The following ANKRD30B variants were observed in gnomAD, a reference collection of about 807,000 sequenced individuals.
ANKRD30B encodes ankyrin repeat domain 30B, also known as ankyrin repeat domain-containing protein 30B.
Under a neutral mutation model 202.2 loss-of-function variants are expected in ANKRD30B, and 144 were observed. That is an observed-to-expected ratio of 0.71 (90% CI 0.62 to 0.82). ANKRD30B has a LOEUF of 0.82. Ranked by LOEUF, ANKRD30B falls within the 40% of genes least tolerant of loss-of-function variation. The pLI, the probability that ANKRD30B is intolerant of heterozygous loss-of-function variation, is 0.00. For synonymous variants in ANKRD30B, 508 were observed against 561.3 expected (o/e 0.91, Z 1.34); for missense variants, 1,487 against 1,669.1 (o/e 0.89, Z 1.90).
intron 9 of ANKRD30B, among the ~76,000 whole-genome samples, chr18:14,776,531 C>T (rs1967361872): frequency 6.6e-6 from 1 of 152,056 alleles, no homozygotes; most frequent in Non-Finnish European, 1.5e-5. Context: ...AACAGTGGAC[C>T]ATATTTGTTC....
chr18:14,881,463 A>C, the ANKRD30B span, among the ~76,000 whole-genome samples: 1 of 152,074 alleles, frequency 6.6e-6, no homozygotes, highest in African/African-American at 2.4e-5. Context: ...TCTTTTTGAT[A>C]TGTTGTTGGA....
chr18:14,754,921 T>C lies in ANKRD30B; in HGVS notation c.533T>C (p.Leu178Pro). 1 of 1,548,128 alleles carries C rather than the reference T, an allele frequency of 6.5e-7. No individual in the cohort carries two copies. Residue 178 changes from leucine to proline, a missense_variant, in exon 4 of 44, where the codon CTG (leucine) becomes CCG (proline). Physicochemically the swap from Leu to Pro is moderately conservative, Grantham distance 98. This residue lies in a region of ANKRD30B where 889 missense variants were observed against 841.4 expected (regional missense o/e 1.06). Coordinates refer to ENST00000690538, the MANE Select transcript of ANKRD30B (RefSeq NM_001367607.2). ...QNKASLTPLLLAIQKRSKQTV... is the reference protein window; with the variant it reads ...QNKASLTPLLPAIQKRSKQTV... ...CAGGCTAGCCTCACACCCCTTTTAC[T>C]GGCCATACAGAAAAGAAGCAAGCAA...
At chr18:14,756,720 C>A (rs1050276371) in intron 4 of ANKRD30B, among the ~76,000 whole-genome samples, 1 of 152,074 alleles carries the variant, frequency 6.6e-6, no homozygotes, top group Non-Finnish European at 1.5e-5. Context: ...ATGGTAAAAC[C>A]GCATCTCTAC....
the ANKRD30B span, among the ~76,000 whole-genome samples, chr18:14,896,171 G>A: frequency 8.1e-5 from 12 of 148,924 alleles, no homozygotes; most frequent in African/African-American, 1.5e-4. Context: ...TCACTCTGTC[G>A]CCCAGGCTGG....
At position 14,810,147 on chromosome 18, in the gene ANKRD30B, T is replaced by G. The variant is rs1160777934; in HGVS notation, c.2455T>G (p.Leu819Val). ...VRKVSLPNKA[L>V]ELKDRETLKA... ...GAAAGTTTCTCTTCCAAATAAAGCCTTAGAATTAAAGGACAGAGAAACATT... is the reference window on the plus strand; with the variant it reads ...GAAAGTTTCTCTTCCAAATAAAGCCGTAGAATTAAAGGACAGAGAAACATT... The change falls in exon 28 of 44, where the codon TTA becomes GTA. Residue 819 changes from leucine to valine, a missense_variant. Transcript: ENST00000690538. The G allele has an allele frequency of 6.8e-7, 1 of 1,479,256 alleles. No individual in the cohort carries two copies. Among genetic ancestry groups the G allele is most frequent in the African/African-American group, 1.4e-5 (1 of 70,738 alleles). The allele number at this position is 1,479,256 out of a possible 1,614,324, so 91.6% of individuals were successfully genotyped here. A position where few individuals can be genotyped will look rare whatever the true frequency, so the allele number is the denominator to read the frequency against.
chr18:14,855,896 C>T (rs545664136), downstream of ANKRD30B, among the ~76,000 whole-genome samples: 57 of 148,456 alleles, frequency 3.8e-4, no homozygotes, highest in Middle Eastern at 3.7e-3. Flanking sequence ...CCAGACGGGG[C>T]GGCTGGGCAG....
At chr18:14,768,018 A>T (rs1357630685) in intron 7 of ANKRD30B, among the ~76,000 whole-genome samples, 3 of 152,194 alleles carry the variant, frequency 2.0e-5, no homozygotes, top group Non-Finnish European at 2.9e-5. Flanking sequence ...TAATTGAGTG[A>T]TGGCTGGCAG....
rs776914581 is a variant in ANKRD30B at position 14,757,989 on chromosome 18, T to C, written c.755+37T>C. The C allele has an allele frequency of 9.7e-6, 15 of 1,543,684 alleles. No individual in the cohort carries two copies. The Middle Eastern group carries it at 9.1e-4, about 93-fold the overall frequency. ...CATTTAAAGGCTAGGTGAAATTTTA[T>C]TGTTTGTTTCAGGGAGTTTTTGAAA... On this transcript the variant is annotated intron_variant, in intron 5 of 43. Coordinates refer to ENST00000690538, the MANE Select transcript of ANKRD30B (RefSeq NM_001367607.2).
At chr18:14,830,907 G>A (rs1480926548) in intron 33 of ANKRD30B, among the ~76,000 whole-genome samples, 2 of 152,184 alleles carry the variant, frequency 1.3e-5, no homozygotes, top group East Asian at 3.9e-4. Flanking sequence ...GAGGGGCCGG[G>A]CGCGGTGGCT....
At chr18:14,762,397 A>T (rs1477351750) in intron 6 of ANKRD30B, among the ~76,000 whole-genome samples, 3 of 152,232 alleles carry the variant, frequency 2.0e-5, no homozygotes, top group Non-Finnish European at 2.9e-5. Context: ...AGGGTGCATC[A>T]GTACCAATAG....
chr18:14,771,962 A>T (rs1212444695), intron 8 of ANKRD30B, among the ~76,000 whole-genome samples, 194 bp from the exon 9 acceptor site: 3 of 152,184 alleles, frequency 2.0e-5, no homozygotes, highest in African/African-American at 4.8e-5. Flanking sequence ...ATAGGTAACT[A>T]AAATCATTTT....
At chr18:14,866,543 C>A in the ANKRD30B span, among the ~76,000 whole-genome samples, 588 of 152,322 alleles carry the variant, frequency 3.9e-3, 3 homozygotes, top group Middle Eastern at 0.014. Flanking sequence ...GTGCCCAACG[C>A]TGGCAGCTGG....
the ANKRD30B span, among the ~76,000 whole-genome samples, chr18:14,887,924 A>G: frequency 6.6e-6 from 1 of 151,930 alleles, no homozygotes; most frequent in Non-Finnish European, 1.5e-5. Context: ...AGATTTCTCA[A>G]TTTTACTTTG....
chr18:14,848,722 C>A lies in ANKRD30B; in HGVS notation c.3188C>A (p.Thr1063Asn), dbSNP rs1169611692. ...KNKQTLRADS[T>N]TLSKILDALP... ...TATCTCCTCCTTGAGACAGATTCAACTACCCTATCAAAAATCTTGGATGCA... is the reference window on the plus strand; with the variant it reads ...TATCTCCTCCTTGAGACAGATTCAAATACCCTATCAAAAATCTTGGATGCA... The change falls in exon 40 of 44, where the codon ACT becomes AAT. Residue 1063 changes from threonine to asparagine, a missense_variant. Physicochemically the swap from Thr to Asn is moderately conservative, Grantham distance 65. This residue lies in a region of ANKRD30B where 177 missense variants were observed against 216.4 expected (regional missense o/e 0.82). Coordinates refer to ENST00000690538, the MANE Select transcript of ANKRD30B (RefSeq NM_001367607.2). The A allele has an allele frequency of 6.5e-7, 1 of 1,536,770 alleles. No homozygotes were observed. Among genetic ancestry groups the A allele is most frequent in the Non-Finnish European group, 8.7e-7 (1 of 1,143,424 alleles).
At chr18:14,794,868 T>G (rs751564665) in intron 16 of ANKRD30B, among the ~76,000 whole-genome samples, 2 of 152,178 alleles carry the variant, frequency 1.3e-5, no homozygotes, top group Non-Finnish European at 2.9e-5. Context: ...TGTGTCTTAC[T>G]GAAAAATAAC....
At chr18:14,831,916 A>C (rs985508831) in intron 34 of ANKRD30B, among the ~76,000 whole-genome samples, 1 of 152,344 alleles carries the variant, frequency 6.6e-6, no homozygotes, top group East Asian at 1.9e-4. Context: ...TAATCAAGGA[A>C]TCTGTCTGAT....
chr18:14,752,711 A>G (rs759791878), intron 2 of ANKRD30B, 31 bp downstream of exon 2: 9 of 1,571,138 alleles, frequency 5.7e-6, no homozygotes, highest in Non-Finnish European at 7.8e-6. Context: ...TCAGCGGGAG[A>G]TGGATTTGGT....
chr18:14,936,968 G>T, the ANKRD30B span, among the ~76,000 whole-genome samples: 2 of 152,188 alleles, frequency 1.3e-5, no homozygotes, highest in East Asian at 3.9e-4. Flanking sequence ...CTGGGCTCCA[G>T]GCTGGGAGAA....
chr18:14,780,896 A>G (rs1342750715), intron 11 of ANKRD30B, among the ~76,000 whole-genome samples: 1 of 152,208 alleles, frequency 6.6e-6, no homozygotes, highest in Non-Finnish European at 1.5e-5. Context: ...AATTATTTTT[A>G]TAAATAGAAC....
Sources: allele counts gnomAD v4.1 joint callset (sites outside exome capture counted in the v4.1 genomes callset), GRCh38; gene constraint gnomAD v4.1.1; regional missense constraint gnomAD v4.1.1; transcripts MANE v1.5; gene names NCBI Gene and HGNC (gene_info 2026-07-23, HGNC 2026-07-21).